The following ZBTB5 variants were observed in gnomAD, a reference collection of about 807,000 sequenced individuals.
ZBTB5 encodes the protein zinc finger and BTB domain-containing protein 5.
In ZBTB5, 15 loss-of-function variants were observed where a neutral mutation model predicts 37.9. That is an observed-to-expected ratio of 0.40 (90% CI 0.26 to 0.61). ZBTB5 has a LOEUF of 0.61. Ranked by LOEUF, ZBTB5 falls within the 20% of genes least tolerant of loss-of-function variation. ZBTB5 has a pLI of 0.47. For missense variants in ZBTB5, 708 were observed against 856.8 expected (o/e 0.83, Z 2.17); for synonymous variants, 315 against 312.4 (o/e 1.01, Z -0.09).
At chr9:37,451,555 C>CAAAAAAAAAAAAAAAAAAAAAAA (rs67502719) in intron 1 of ZBTB5, among the ~76,000 whole-genome samples, 1 of 72,744 alleles carries the variant, frequency 1.4e-5, no homozygotes, top group African/African-American at 5.4e-5. Flanking sequence ...GAGACTATCT[C>CAAAAAAAAAAAAAAAAAAAAAAA]AAAAAAAAAA....
intron 1 of ZBTB5, among the ~76,000 whole-genome samples, chr9:37,458,539 T>C (rs1824232823): frequency 6.6e-6 from 1 of 152,258 alleles, no homozygotes. Flanking sequence ...AAGCCTGTTA[T>C]TTTAAATAAG....
chr9:37,455,648 TAGC>T (rs752704066), intron 1 of ZBTB5, among the ~76,000 whole-genome samples: 211 of 152,284 alleles, frequency 1.4e-3, no homozygotes, highest in Non-Finnish European at 2.6e-3. Flanking sequence ...TAAAGGGTTT[TAGC>T]AGTGGTGGCA....
Position 37,440,325 on chromosome 9 carries a change from C to T in ZBTB5, c.*193G>A. The stretch of plus-strand genomic sequence containing the variant: ...GCACCTGGTTTCAGGGATTGCATCC[C>T]TTTCCCAAGACGTGCACTTCACTCA... On this transcript the variant is annotated 3_prime_UTR_variant, in exon 2 of 2. Coordinates refer to ENST00000307750, the MANE Select transcript of ZBTB5 (RefSeq NM_014872.3). 1.7e-6 allele frequency: 1 copy of T among 578,684 alleles called. No individual in the cohort carries two copies. Among genetic ancestry groups the T allele is most frequent in the Non-Finnish European group, 3.0e-6 (1 of 330,958 alleles). The allele number at this position is 578,684 out of a possible 1,614,324, so 35.8% of individuals were successfully genotyped here.
At chr9:37,443,225 C>T (rs1037432710) in intron 1 of ZBTB5, among the ~76,000 whole-genome samples, 2 of 151,690 alleles carry the variant, frequency 1.3e-5, no homozygotes, top group Admixed American at 1.3e-4. Flanking sequence ...GTGGTGCATG[C>T]TTGTAATCCC....
Position 37,441,961 on chromosome 9 carries a change from T to G in ZBTB5, c.591A>C (p.Ala197=). Residue 197 remains alanine, a synonymous_variant, in exon 2 of 2, where the codon GCA becomes GCC. Coordinates refer to ENST00000307750, the MANE Select transcript of ZBTB5 (RefSeq NM_014872.3). ...MRRLHKRKQS[A]EERARQRLRP... is the part of the protein sequence containing the mutation. ...GGAGGCGCTGCCTGGCCCGCTCCTCTGCAGACTGCTTGCGCTTATGAAGGC... is the reference window on the plus strand; with the variant it reads ...GGAGGCGCTGCCTGGCCCGCTCCTCGGCAGACTGCTTGCGCTTATGAAGGC... 1 of 1,614,022 alleles carries G rather than the reference T, an allele frequency of 6.2e-7. No individual in the cohort carries two copies. The highest frequency in any genetic ancestry group is 8.5e-7 in the Non-Finnish European group (1 of 1,180,046).
intron 1 of ZBTB5, among the ~76,000 whole-genome samples, chr9:37,464,818 C>T (rs1012318798): frequency 6.6e-6 from 1 of 152,230 alleles, no homozygotes; most frequent in African/African-American, 2.4e-5. Context: ...AATGAAACCT[C>T]GTCGCTCAAG....
rs1417311799 is a variant in ZBTB5, at chr9:37,440,329, C to T, written c.*189G>A. 6.9e-6 allele frequency: 4 copies of T among 583,904 alleles called. No homozygotes were observed. Among genetic ancestry groups the T allele is most frequent in the Admixed American group, 3.2e-5 (1 of 30,802 alleles). The allele number at this position is 583,904 out of a possible 1,614,324, so 36.2% of individuals were successfully genotyped here. A position where few individuals can be genotyped will look rare whatever the true frequency, so the allele number is the denominator to read the frequency against. ...CTGGTTTCAGGGATTGCATCCCTTT[C>T]CCAAGACGTGCACTTCACTCAGAAA... On this transcript the variant is annotated 3_prime_UTR_variant, in exon 2 of 2. Transcript: ENST00000307750.
rs1823844362 is a variant in ZBTB5 at position 37,440,506 on chromosome 9, A to G, written c.*12T>C. 1 of 1,611,578 alleles carries G rather than the reference A, an allele frequency of 6.2e-7. No individual in the cohort carries two copies. The highest frequency in any genetic ancestry group is 1.3e-5 in the African/African-American group (1 of 74,976). On this transcript the variant is annotated 3_prime_UTR_variant, in exon 2 of 2. Coordinates refer to ENST00000307750, the MANE Select transcript of ZBTB5 (RefSeq NM_014872.3). ...ACAACTGGCCTCAGCGTTGTCTTGT[A>G]AGGACAAACAGCTAGAGCAAAGTGC...
At chr9:37,445,849 C>T (rs182570935) in intron 1 of ZBTB5, among the ~76,000 whole-genome samples, 191 of 152,114 alleles carry the variant, frequency 1.3e-3, no homozygotes, top group African/African-American at 4.5e-3. Flanking sequence ...GGCTGTAATC[C>T]TAACCCTTTG....
intron 1 of ZBTB5, among the ~76,000 whole-genome samples, chr9:37,462,107 C>T (rs573074418): frequency 3.9e-5 from 6 of 152,246 alleles, no homozygotes; most frequent in African/African-American, 1.4e-4. Flanking sequence ...GTTGGGACTA[C>T]AGGTGTGTGC....
chr9:37,451,344 A>G (rs1459172950), intron 1 of ZBTB5, among the ~76,000 whole-genome samples: 3 of 152,124 alleles, frequency 2.0e-5, no homozygotes, highest in Non-Finnish European at 4.4e-5. Context: ...AGGTGGGTGG[A>G]TCACTTGAGG....
chr9:37,457,377 G>A (rs1824208465), intron 1 of ZBTB5, among the ~76,000 whole-genome samples: 2 of 152,124 alleles, frequency 1.3e-5, no homozygotes, highest in East Asian at 3.8e-4. Flanking sequence ...GGTACTACAG[G>A]CACGTCACCA....
At chr9:37,459,337 G>T (rs1178748350) in intron 1 of ZBTB5, among the ~76,000 whole-genome samples, 2 of 151,940 alleles carry the variant, frequency 1.3e-5, no homozygotes, top group Non-Finnish European at 2.9e-5. Context: ...ACACATGCCT[G>T]TAATCCCAGC....
chr9:37,450,302 G>A (rs910400240), intron 1 of ZBTB5, among the ~76,000 whole-genome samples: 4 of 151,780 alleles, frequency 2.6e-5, no homozygotes, highest in African/African-American at 7.3e-5. Flanking sequence ...CCCAGACAAC[G>A]AAGCTGCTTC....
At chr9:37,449,149 C>A (rs1824051172) in intron 1 of ZBTB5, among the ~76,000 whole-genome samples, 1 of 152,092 alleles carries the variant, frequency 6.6e-6, no homozygotes, top group Non-Finnish European at 1.5e-5. Context: ...CCTTGGGAGG[C>A]CTAGGTGGGA....
intron 1 of ZBTB5, among the ~76,000 whole-genome samples, chr9:37,458,844 A>G (rs1228185328): frequency 1.3e-5 from 2 of 152,244 alleles, no homozygotes; most frequent in East Asian, 3.8e-4. Flanking sequence ...CAAGGTACAA[A>G]ACATAAGCTA....
chr9:37,447,913 T>A (rs1027412811), intron 1 of ZBTB5, among the ~76,000 whole-genome samples: 2 of 151,954 alleles, frequency 1.3e-5, no homozygotes, highest in Non-Finnish European at 2.9e-5. Flanking sequence ...TCCCAGTACT[T>A]TGGAAGGCCA....
At chr9:37,459,375 G>A (rs951599813) in intron 1 of ZBTB5, among the ~76,000 whole-genome samples, 35 of 151,698 alleles carry the variant, frequency 2.3e-4, no homozygotes, top group African/African-American at 7.5e-4. Context: ...CAGAAGAATC[G>A]CTTGAACCTG....
intron 1 of ZBTB5, among the ~76,000 whole-genome samples, chr9:37,444,443 G>A (rs1212031940): frequency 3.9e-5 from 6 of 152,056 alleles, no homozygotes; most frequent in Non-Finnish European, 5.9e-5. Context: ...CAGGTGATCC[G>A]CCCACCCTGG....
Sources: gnomAD v4.1 joint callset for allele counts (sites outside exome capture counted in the v4.1 genomes callset) on GRCh38, gnomAD v4.1.1 for gene constraint, MANE v1.5 for transcripts, NCBI Gene and HGNC (gene_info 2026-07-23, HGNC 2026-07-21) for gene names.